ARHGEF10: variants seen among roughly 807,000 people sequenced by gnomAD.
ARHGEF10 encodes the protein Rho guanine nucleotide exchange factor 10.
ARHGEF10 carries 140 observed loss-of-function variants against 147.4 expected under a neutral mutation model. The ratio of observed to expected loss-of-function variants is 0.95; its 90% CI spans 0.83 to 1.09. The LOEUF (loss-of-function observed/expected upper bound fraction) is 1.09. ARHGEF10 is among the 50% of genes least tolerant of loss of function. ARHGEF10 has a pLI of 0.00. For synonymous variants in ARHGEF10, 902 were observed against 695.8 expected (o/e 1.30, Z -4.67); for missense variants, 2,222 against 1,752.7 (o/e 1.27, Z -4.78).
chr8:1,832,903 GA>G (rs1201304197), intron 1 of ARHGEF10, among the ~76,000 whole-genome samples: 1 of 100,324 alleles, frequency 1.0e-5, no homozygotes, highest in African/African-American at 4.2e-5. Context: ...CGCAGAGACA[GA>G]GAGACAGACA....
intron 7 of ARHGEF10, among the ~76,000 whole-genome samples, chr8:1,873,158 A>G (rs1807276502): frequency 6.6e-6 from 1 of 152,154 alleles, no homozygotes; most frequent in Non-Finnish European, 1.5e-5. Context: ...GTGGTGGGGC[A>G]GGGAGCCAGT....
At chr8:1,825,472 C>T (rs1056686562) in intron 1 of ARHGEF10, among the ~76,000 whole-genome samples, 5 of 141,314 alleles carry the variant, frequency 3.5e-5, no homozygotes, top group African/African-American at 1.3e-4. Flanking sequence ...CCCTGCACCC[C>T]AGCTGTCCCT....
intron 7 of ARHGEF10, chr8:1,869,543 A>C: frequency 1.9e-6 from 1 of 539,250 alleles, no homozygotes; most frequent in Non-Finnish European, 3.4e-6. Context: ...GCTGAGAAGC[A>C]GCAATGTATA....
At chr8:1,874,004 A>G (rs1807418761) in intron 7 of ARHGEF10, among the ~76,000 whole-genome samples, 1 of 152,242 alleles carries the variant, frequency 6.6e-6, no homozygotes, top group Non-Finnish European at 1.5e-5. Flanking sequence ...CTAAGGGCCA[A>G]CGACAAGATT....
At chr8:1,893,520 G>T (rs769484353) in intron 11 of ARHGEF10, 49 bp from the exon 12 acceptor site, 18 of 1,210,072 alleles carry the variant, frequency 1.5e-5, no homozygotes, top group African/African-American at 1.0e-4. Flanking sequence ...ATGTATCTGT[G>T]TGTATTATAA....
intron 25 of ARHGEF10, among the ~76,000 whole-genome samples, chr8:1,930,891 C>T (rs962972767): frequency 6.6e-6 from 1 of 152,220 alleles, no homozygotes; most frequent in Non-Finnish European, 1.5e-5. Flanking sequence ...GGAGTGTGAC[C>T]CTGCTGATCC....
chr8:1,907,952 G>C (rs1811033435), intron 17 of ARHGEF10, among the ~76,000 whole-genome samples: 1 of 152,180 alleles, frequency 6.6e-6, no homozygotes, highest in Admixed American at 6.5e-5. Context: ...CAAAGAGGAG[G>C]AATCGGAATT....
rs375480540 is a variant in ARHGEF10 at position 1,893,568 on chromosome 8, G to A, written c.1183-1G>A. 1 of 1,610,438 alleles carries A rather than the reference G, an allele frequency of 6.2e-7. No homozygotes were observed. Among genetic ancestry groups the A allele is most frequent in the Non-Finnish European group, 8.5e-7 (1 of 1,176,816 alleles). On this transcript the variant is annotated splice_acceptor_variant, in intron 11 of 28. Coordinates refer to ENST00000349830, the MANE Select transcript of ARHGEF10 (RefSeq NM_014629.4). LOFTEE classifies it high-confidence loss of function. ...TCATTGTACTTCCAAATTTCCAACA[G>A]GTTGTAAGAAGATATATACTGGGTT...
chr8:1,904,103 A>G (rs1319485660), intron 16 of ARHGEF10: 1 of 152,518 alleles, frequency 6.6e-6, no homozygotes, highest in Non-Finnish European at 1.5e-5. Context: ...TTTCAAAAAA[A>G]AAAAAAATTC....
rs758570445 is a variant in ARHGEF10 at position 1,957,104 on chromosome 8, A to G, written c.3876A>G (p.Arg1292=). Residue 1292 remains arginine (R), a synonymous_variant, in exon 29 of 29, where the codon AGA becomes AGG. Coordinates refer to ENST00000349830, the MANE Select transcript of ARHGEF10 (RefSeq NM_014629.4). ...TCCTGAAGGATCCTGTCTCGCTGAGAAGCAAAGCACGCCGGGCCAAGAAAG... is the reference window on the plus strand; with the variant it reads ...TCCTGAAGGATCCTGTCTCGCTGAGGAGCAAAGCACGCCGGGCCAAGAAAG... ...YDLLKDPVSL[R]SKARRAKKAK... 1.9e-6 allele frequency: 3 copies of G among 1,613,296 alleles called. No individual in the cohort carries two copies. Among genetic ancestry groups the G allele is most frequent in the Non-Finnish European group, 2.5e-6 (3 of 1,180,040 alleles).
chr8:1,857,710 C>A (rs754479640), intron 2 of ARHGEF10, among the ~76,000 whole-genome samples: 9 of 82,104 alleles, frequency 1.1e-4, no homozygotes, highest in Non-Finnish European at 1.9e-4. Flanking sequence ...GAGCTACCAC[C>A]CCCAGCCTCT....
intron 26 of ARHGEF10, among the ~76,000 whole-genome samples, chr8:1,936,940 T>C (rs1177563615): frequency 6.6e-6 from 1 of 151,672 alleles, no homozygotes; most frequent in East Asian, 1.9e-4. Context: ...GAGACGTGGG[T>C]TTGGTTAGGA....
chr8:1,899,864 G>A (rs1007531604), intron 15 of ARHGEF10, among the ~76,000 whole-genome samples: 9 of 152,172 alleles, frequency 5.9e-5, no homozygotes, highest in Non-Finnish European at 1.2e-4. Context: ...TGGGAGGAAG[G>A]GGGTCAGGCC....
chr8:1,835,470 A>C (rs1306499147), intron 1 of ARHGEF10, among the ~76,000 whole-genome samples: 1 of 152,178 alleles, frequency 6.6e-6, no homozygotes, highest in Admixed American at 6.5e-5. Flanking sequence ...CCGCCCCTGC[A>C]GCTGTTTCCC....
At chr8:1,889,411 G>C (rs1409899983) in intron 11 of ARHGEF10, among the ~76,000 whole-genome samples, 1 of 78,018 alleles carries the variant, frequency 1.3e-5, no homozygotes, top group Non-Finnish European at 2.4e-5. Flanking sequence ...TCTGTGAGGA[G>C]ACACTGAGTG....
chr8:1,944,101 C>G (rs1453847194), intron 26 of ARHGEF10, among the ~76,000 whole-genome samples: 1 of 151,148 alleles, frequency 6.6e-6, no homozygotes, highest in Non-Finnish European at 1.5e-5. Context: ...GGACCCCAGC[C>G]TCCCGCACTG....
At chr8:1,835,703 G>A (rs1780915464) in intron 1 of ARHGEF10, among the ~76,000 whole-genome samples, 6 of 152,200 alleles carry the variant, frequency 3.9e-5, no homozygotes, top group African/African-American at 1.4e-4. Flanking sequence ...CAGCACAATT[G>A]CAGCACAGGT....
At chr8:1,947,958 G>A (rs1450164488) in intron 27 of ARHGEF10, among the ~76,000 whole-genome samples, 1 of 152,056 alleles carries the variant, frequency 6.6e-6, no homozygotes, top group Non-Finnish European at 1.5e-5. Flanking sequence ...CCCAGAAACA[G>A]AATGCAGACC....
intron 22 of ARHGEF10, 92 bp downstream of exon 22, chr8:1,925,496 A>G: frequency 6.5e-7 from 1 of 1,547,218 alleles, no homozygotes; most frequent in Admixed American, 1.8e-5. Context: ...GGGCGTGGTC[A>G]GAACATGGTC....
Sources: allele counts gnomAD v4.1 joint callset (sites outside exome capture counted in the v4.1 genomes callset), GRCh38; gene constraint gnomAD v4.1.1; transcripts MANE v1.5; gene names NCBI Gene and HGNC (gene_info 2026-07-23, HGNC 2026-07-21).